IQCM: variants seen among roughly 807,000 people sequenced by gnomAD.
IQCM encodes IQ domain-containing protein M.
IQCM carries 45 observed loss-of-function variants against 57.6 expected under a neutral mutation model. The observed-to-expected ratio is 0.78, with a 90% CI of 0.62 to 1.00. The LOEUF (loss-of-function observed/expected upper bound fraction) is 1.00, where lower values mean the gene tolerates loss of function less well. Among genes scored for constraint, IQCM ranks in the 50% least tolerant of loss-of-function variants. The pLI, the probability that IQCM is intolerant of heterozygous loss-of-function variation, is 0.00. For synonymous variants in IQCM, 148 were observed against 158.9 expected (o/e 0.93, Z 0.51); for missense variants, 468 against 511.6 (o/e 0.91, Z 0.82).
intron 2 of IQCM, among the ~76,000 whole-genome samples, chr4:149,787,904 G>C (rs565413868): frequency 1.3e-5 from 2 of 152,136 alleles, no homozygotes; most frequent in Non-Finnish European, 2.9e-5. Context: ...TAGCTGAATG[G>C]AAGAAAATAT....
intron 12 of IQCM, among the ~76,000 whole-genome samples, chr4:149,454,785 C>T (rs1302073575): frequency 2.0e-5 from 3 of 151,808 alleles, no homozygotes; most frequent in East Asian, 1.9e-4. Flanking sequence ...TATGTGAAAC[C>T]TCCAGAATAG....
chr4:149,469,461 T>A (rs1014850901), intron 12 of IQCM, among the ~76,000 whole-genome samples: 1 of 152,080 alleles, frequency 6.6e-6, no homozygotes, highest in African/African-American at 2.4e-5. Context: ...CCTCAAGAAA[T>A]ATGGGACTAT....
intron 9 of IQCM, among the ~76,000 whole-genome samples, chr4:149,568,366 C>T (rs1323635577): frequency 6.6e-6 from 1 of 152,166 alleles, no homozygotes; most frequent in Non-Finnish European, 1.5e-5. Flanking sequence ...GACCTTGTTA[C>T]AATGGTCCAT....
At chr4:149,501,418 G>C (rs1743226914) in intron 12 of IQCM, among the ~76,000 whole-genome samples, 1 of 152,090 alleles carries the variant, frequency 6.6e-6, no homozygotes, top group Non-Finnish European at 1.5e-5. Flanking sequence ...AGTTCATCAG[G>C]ACAGTAAGAA....
intron 7 of IQCM, among the ~76,000 whole-genome samples, chr4:149,635,594 T>A (rs1757650077): frequency 4.6e-5 from 7 of 152,236 alleles, no homozygotes; most frequent in Admixed American, 4.6e-4. Context: ...TGTATATTCC[T>A]TTCTGAAAAT....
intron 2 of IQCM, among the ~76,000 whole-genome samples, chr4:149,765,788 G>T (rs1769987439): frequency 6.6e-6 from 1 of 151,848 alleles, no homozygotes; most frequent in African/African-American, 2.4e-5. Context: ...TCACTATCTT[G>T]GTCTTTGAGT....
intron 3 of IQCM, among the ~76,000 whole-genome samples, chr4:149,741,700 T>C (rs1478152130): frequency 6.6e-6 from 1 of 152,154 alleles, no homozygotes; most frequent in African/African-American, 2.4e-5. Flanking sequence ...CACTATATGT[T>C]AGGATTGCTT....
chr4:149,515,070 ACG>A (rs1491276537), intron 12 of IQCM, among the ~76,000 whole-genome samples: 1 of 37,082 alleles, frequency 2.7e-5, no homozygotes, highest in African/African-American at 8.5e-5. Context: ...ATATATATAC[ACG>A]TGTGTGTGTG....
chr4:149,502,812 T>C (rs1743399213), intron 12 of IQCM, among the ~76,000 whole-genome samples: 1 of 151,932 alleles, frequency 6.6e-6, no homozygotes, highest in East Asian at 1.9e-4. Context: ...ATGTAGAGGA[T>C]GAATGAGTGA....
intron 7 of IQCM, among the ~76,000 whole-genome samples, chr4:149,649,569 G>C (rs997600520): frequency 4.3e-4 from 66 of 151,902 alleles, no homozygotes; most frequent in Non-Finnish European, 2.4e-4. Context: ...TTTCAAAAAG[G>C]ATGATTTATT....
chr4:149,371,585 C>A (rs1233570670), intron 13 of IQCM, among the ~76,000 whole-genome samples: 1 of 152,150 alleles, frequency 6.6e-6, no homozygotes, highest in Non-Finnish European at 1.5e-5. Flanking sequence ...GTTGGTATCA[C>A]TAGCAAGAAC....
At chr4:149,418,105 A>G (rs1034860443) in intron 13 of IQCM, among the ~76,000 whole-genome samples, 2 of 151,912 alleles carry the variant, frequency 1.3e-5, no homozygotes, top group African/African-American at 4.8e-5. Context: ...AAGCAAGATC[A>G]TAGAGGAACT....
At chr4:149,501,038 T>C (rs1444139570) in intron 12 of IQCM, among the ~76,000 whole-genome samples, 1 of 152,198 alleles carries the variant, frequency 6.6e-6, no homozygotes, top group Non-Finnish European at 1.5e-5. Context: ...AAAAATCTCT[T>C]TATATTTATT....
chr4:149,520,920 C>T (rs1745574883), intron 12 of IQCM, among the ~76,000 whole-genome samples: 1 of 152,120 alleles, frequency 6.6e-6, no homozygotes, highest in Non-Finnish European at 1.5e-5. Flanking sequence ...GCACCCCAGC[C>T]TCTCTCGCTG....
chr4:149,370,456 TC>T (rs2110977105), intron 13 of IQCM, among the ~76,000 whole-genome samples: 1 of 152,240 alleles, frequency 6.6e-6, no homozygotes, highest in South Asian at 2.1e-4. Context: ...CCCCTTTTCC[TC>T]TTTTTTGTCC....
At position 149,733,495 on chromosome 4, in the gene IQCM, C is replaced by G. The variant is rs1766655596; in HGVS notation, c.134G>C (p.Gly45Ala). 1 of 1,224,676 alleles carries G rather than the reference C, an allele frequency of 8.2e-7. No homozygotes were observed. 75.9% of individuals were successfully genotyped at this position (1,224,676 alleles called of 1,614,324 possible). A position where few individuals can be genotyped will look rare whatever the true frequency, so the allele number is the denominator to read the frequency against. ...CTTTCTAAAAACATTTATAGAAGTA[C>G]CTTGAACTTTATTCTATGAATAAAA... ...YEKINENKVQGTSINVFRKKH... is the reference protein window; with the variant it reads ...YEKINENKVQATSINVFRKKH... Residue 45 changes from glycine to alanine, a missense_variant, in exon 5 of 14, where the codon GGT becomes GCT. Physicochemically the swap from Gly to Ala is moderately conservative, Grantham distance 60 (BLOSUM62 0). Coordinates refer to ENST00000636793, the MANE Select transcript of IQCM (RefSeq NM_001363507.2).
intron 2 of IQCM, among the ~76,000 whole-genome samples, chr4:149,764,081 C>T (rs1769798950): frequency 6.6e-6 from 1 of 152,060 alleles, no homozygotes; most frequent in African/African-American, 2.4e-5. Flanking sequence ...AGTGAGGATG[C>T]TCTTATACCT....
At chr4:149,800,271 A>T (rs1773487368) in intron 2 of IQCM, among the ~76,000 whole-genome samples, 1 of 151,834 alleles carries the variant, frequency 6.6e-6, no homozygotes, top group Non-Finnish European at 1.5e-5. Flanking sequence ...ATTAACACCT[A>T]AAAAAGTATT....
intron 6 of IQCM, among the ~76,000 whole-genome samples, chr4:149,685,773 G>T (rs1335581549): frequency 6.6e-6 from 1 of 151,432 alleles, no homozygotes; most frequent in East Asian, 1.9e-4. Flanking sequence ...TGTGCTGAAG[G>T]GCTTAGAGGT....
Sources: allele counts gnomAD v4.1 joint callset (sites outside exome capture counted in the v4.1 genomes callset), GRCh38; gene constraint gnomAD v4.1.1; transcripts MANE v1.5; gene names NCBI Gene and HGNC (gene_info 2026-07-23, HGNC 2026-07-21).